OPCML: variants seen among roughly 807,000 people sequenced by gnomAD.
OPCML encodes opioid binding protein/cell adhesion molecule like.
In OPCML, 13 loss-of-function variants were observed where a neutral mutation model predicts 37.8. That is an observed-to-expected ratio of 0.34 (90% CI 0.22 to 0.55). The LOEUF (loss-of-function observed/expected upper bound fraction) is 0.55. Among genes scored for constraint, OPCML ranks in the 20% least tolerant of loss-of-function variants. OPCML has a pLI of 0.91. For synonymous variants in OPCML, 176 were observed against 168.8 expected, an observed-to-expected ratio of 1.04 and a Z score of -0.33; for missense variants, 341 against 435.6, an observed-to-expected ratio of 0.78 and a Z score of 1.93.
chr11:132,649,100 C>T (rs1941302993), intron 3 of OPCML, among the ~76,000 whole-genome samples: 2 of 151,954 alleles, frequency 1.3e-5, no homozygotes, highest in Non-Finnish European at 2.9e-5. Flanking sequence ...CCCATGAAAA[C>T]TGTGTGCGTG....
At chr11:133,204,876 A>ATATATATATGTGTG (rs1938973882) in intron 1 of OPCML, among the ~76,000 whole-genome samples, 5 of 30,026 alleles carry the variant, frequency 1.7e-4, no homozygotes, top group African/African-American at 5.0e-4. Context: ...GTGTATATAT[A>ATATATATATGTGTG]TATATATATA....
intron 1 of OPCML, among the ~76,000 whole-genome samples, chr11:133,425,904 C>A (rs1945993561): frequency 6.6e-6 from 1 of 151,972 alleles, no homozygotes. Flanking sequence ...AAATAAAGAC[C>A]TTTTCCTGTA....
intron 2 of OPCML, among the ~76,000 whole-genome samples, chr11:132,894,622 G>A (rs1457086655): frequency 6.6e-6 from 1 of 152,226 alleles, no homozygotes; most frequent in Non-Finnish European, 1.5e-5. Flanking sequence ...TGGCATGTGA[G>A]TCTGAGTAGA....
At chr11:133,310,066 C>T (rs1407922014) in intron 1 of OPCML, among the ~76,000 whole-genome samples, 1 of 152,074 alleles carries the variant, frequency 6.6e-6, no homozygotes, top group Admixed American at 6.5e-5. Flanking sequence ...TTGTTAGAGA[C>T]ACGAAGATGG....
At chr11:132,844,970 T>G (rs912088298) in intron 2 of OPCML, among the ~76,000 whole-genome samples, 63 of 151,908 alleles carry the variant, frequency 4.1e-4, no homozygotes, top group African/African-American at 5.8e-4. Flanking sequence ...AACCTATTTT[T>G]TTTTTGTTTT....
At chr11:132,931,538 C>T (rs552608389) in intron 2 of OPCML, among the ~76,000 whole-genome samples, 1 of 152,128 alleles carries the variant, frequency 6.6e-6, no homozygotes, top group Admixed American at 6.5e-5. Context: ...GAAGGATATA[C>T]AAATGGTCAA....
chr11:132,419,507 T>G lies in OPCML; in HGVS notation c.*686A>C, dbSNP rs2095950035. On this transcript the variant is annotated 3_prime_UTR_variant, in exon 8 of 8. Transcript: ENST00000524381. The stretch of plus-strand genomic sequence containing the variant: ...CCTCCCCCTTTTTTGGTTACTTGAC[T>G]TGCAAAATTTAGTGTTGGGTTTCAT... The G allele has an allele frequency of 6.6e-6, 1 of 152,174 alleles. No individual in the cohort carries two copies. Among genetic ancestry groups the G allele is most frequent in the South Asian group, 2.1e-4 (1 of 4,824 alleles). 9.4% of individuals were successfully genotyped at this position (152,174 alleles called of 1,614,324 possible).
intron 2 of OPCML, among the ~76,000 whole-genome samples, chr11:132,851,320 C>G (rs1191999449): frequency 6.6e-6 from 1 of 152,150 alleles, no homozygotes; most frequent in Non-Finnish European, 1.5e-5. Flanking sequence ...TTGATAGCTG[C>G]ATTTTAATAC....
intron 1 of OPCML, among the ~76,000 whole-genome samples, chr11:133,306,183 C>T (rs1428218271): frequency 6.6e-6 from 1 of 152,176 alleles, no homozygotes; most frequent in African/African-American, 2.4e-5. Flanking sequence ...GTCCTGAAAT[C>T]ATGAGTGCAG....
intron 3 of OPCML, among the ~76,000 whole-genome samples, chr11:132,583,281 G>C (rs565182202): frequency 2.6e-5 from 4 of 151,964 alleles, no homozygotes; most frequent in African/African-American, 9.6e-5. Context: ...AGATTATTAT[G>C]CTTAGGCTAT....
chr11:133,421,417 G>GT, intron 1 of OPCML: 7 of 985,422 alleles, frequency 7.1e-6, no homozygotes, highest in Non-Finnish European at 8.4e-6. Flanking sequence ...ATTTCGTTGT[G>GT]TATGTTTCTC....
At chr11:133,037,210 T>G (rs1023190133) in intron 1 of OPCML, among the ~76,000 whole-genome samples, 19 of 152,220 alleles carry the variant, frequency 1.2e-4, no homozygotes, top group African/African-American at 2.4e-5. Context: ...TAGAGCTAAC[T>G]TCAAAGTTAG....
At chr11:132,935,922 A>T (rs989186396) in intron 2 of OPCML, among the ~76,000 whole-genome samples, 1 of 152,214 alleles carries the variant, frequency 6.6e-6, no homozygotes, top group African/African-American at 2.4e-5. Flanking sequence ...TTGAGGTTCC[A>T]TATGTGCTAT....
chr11:133,202,001 T>TA (rs1326644395), intron 1 of OPCML, among the ~76,000 whole-genome samples: 1 of 151,882 alleles, frequency 6.6e-6, no homozygotes, highest in Non-Finnish European at 1.5e-5. Context: ...CTCCAAGCCT[T>TA]AATGGAGCTT....
intron 1 of OPCML, among the ~76,000 whole-genome samples, chr11:133,140,301 C>T (rs1282502198): frequency 1.3e-5 from 2 of 149,830 alleles, no homozygotes; most frequent in Non-Finnish European, 3.0e-5. Flanking sequence ...CACCTGAGGT[C>T]AGGAGTTCAA....
intron 2 of OPCML, among the ~76,000 whole-genome samples, chr11:132,739,406 G>A (rs1945366319): frequency 6.6e-6 from 1 of 152,134 alleles, no homozygotes; most frequent in African/African-American, 2.4e-5. Flanking sequence ...ACCTAAGTGG[G>A]TAGAAGAAAA....
intron 4 of OPCML, among the ~76,000 whole-genome samples, chr11:132,458,804 C>T (rs1373008700): frequency 6.6e-6 from 1 of 152,054 alleles, no homozygotes; most frequent in Non-Finnish European, 1.5e-5. Context: ...GGTAGATCCC[C>T]ACATCTGCTT....
At chr11:132,953,796 G>A (rs973775932) in intron 1 of OPCML, among the ~76,000 whole-genome samples, 1 of 152,148 alleles carries the variant, frequency 6.6e-6, no homozygotes, top group Non-Finnish European at 1.5e-5. Flanking sequence ...CCCAGCAATG[G>A]ACCAAGCTTC....
At chr11:132,848,894 G>T (rs1226298261) in intron 2 of OPCML, among the ~76,000 whole-genome samples, 2 of 152,080 alleles carry the variant, frequency 1.3e-5, no homozygotes, top group Non-Finnish European at 2.9e-5. Flanking sequence ...CAATGGAAAA[G>T]CTTTATGAAG....
Sources: allele counts gnomAD v4.1 joint callset (sites outside exome capture counted in the v4.1 genomes callset), GRCh38; gene constraint gnomAD v4.1.1; transcripts MANE v1.5; gene names NCBI Gene and HGNC (gene_info 2026-07-23, HGNC 2026-07-21).